Variants in EPC1 observed in about 807,000 individuals in gnomAD.
The protein encoded by EPC1 is enhancer of polycomb homolog 1.
Under a neutral mutation model 98.4 loss-of-function variants are expected in EPC1, and 12 were observed. The ratio of observed to expected loss-of-function variants is 0.12; its 90% CI spans 0.08 to 0.20. The LOEUF (loss-of-function observed/expected upper bound fraction) is 0.20. EPC1 is among the 10% of genes least tolerant of loss of function. EPC1 has a pLI of 1.00. For synonymous variants in EPC1, 357 were observed against 363.9 expected, an observed-to-expected ratio of 0.98 and a Z score of 0.21; for missense variants, 729 against 990.5, an observed-to-expected ratio of 0.74 and a Z score of 3.54.
chr10:32,308,634 C>T (rs1836014034), intron 1 of EPC1, among the ~76,000 whole-genome samples: 1 of 152,072 alleles, frequency 6.6e-6, no homozygotes, highest in Non-Finnish European at 1.5e-5. Flanking sequence ...ATCTGTTCTC[C>T]TTAATCATTA....
chr10:32,349,909 T>G (rs1336059119), upstream of EPC1, among the ~76,000 whole-genome samples: 1 of 152,210 alleles, frequency 6.6e-6, no homozygotes, highest in Non-Finnish European at 1.5e-5. Context: ...CCCATGCCTC[T>G]TTTTTATGCA....
chr10:32,284,807 G>A lies in EPC1; in HGVS notation c.1635C>T (p.Ser545=), dbSNP rs1262982755. The A allele has an allele frequency of 6.2e-7, 1 of 1,614,174 alleles. No individual in the cohort carries two copies. Among genetic ancestry groups the A allele is most frequent in the Non-Finnish European group, 8.5e-7 (1 of 1,180,018 alleles). ...SLHDSDNDEL[S]CRKLYRSINR... The stretch of plus-strand genomic sequence containing the variant: ...TTATACTCCTATATAATTTTCTACA[G>A]GAGAGTTCATCATTGTCACTGTCAT... The change falls in exon 10 of 14, where the codon TCC becomes TCT. Residue 545 remains serine (S), a synonymous_variant. Coordinates refer to ENST00000319778, the MANE Select transcript of EPC1 (RefSeq NM_001272004.3).
At chr10:32,378,464 C>T in intron 1 of EPC1, 1 of 1,540,352 alleles carries the variant, frequency 6.5e-7, no homozygotes. Flanking sequence ...CAAAGACTGA[C>T]ATAAATGGTG....
At chr10:32,316,426 C>T (rs1048173200) in intron 1 of EPC1, among the ~76,000 whole-genome samples, 3 of 152,108 alleles carry the variant, frequency 2.0e-5, no homozygotes, top group Admixed American at 6.5e-5. Flanking sequence ...CTCAAATGTC[C>T]ACCAAAATAG....
At chr10:32,321,726 C>T (rs1836934154) in intron 1 of EPC1, among the ~76,000 whole-genome samples, 1 of 151,770 alleles carries the variant, frequency 6.6e-6, no homozygotes, top group Admixed American at 6.6e-5. Context: ...GTCACTTGTC[C>T]GAAGTGGCGG....
At chr10:32,352,211 A>T (rs193277022) in intron 1 of EPC1, among the ~76,000 whole-genome samples, 1,961 of 147,812 alleles carry the variant, frequency 0.013, 47 homozygotes, top group African/African-American at 0.047. Context: ...CGCCCGGCTA[A>T]TTTTTTTTTT....
chr10:32,317,144 G>A (rs1479171703), intron 1 of EPC1, among the ~76,000 whole-genome samples: 10 of 152,110 alleles, frequency 6.6e-5, no homozygotes, highest in African/African-American at 2.4e-4. Flanking sequence ...CCACTTGACA[G>A]TTTCTTCTCA....
intron 1 of EPC1, chr10:32,345,536 C>T: frequency 1.0e-6 from 1 of 985,502 alleles, no homozygotes; most frequent in Non-Finnish European, 1.2e-6. Flanking sequence ...ACTGTCAATA[C>T]ACTGCACCCT....
chr10:32,375,802 A>C (rs1419235179), intron 1 of EPC1, among the ~76,000 whole-genome samples: 2 of 152,056 alleles, frequency 1.3e-5, no homozygotes, highest in African/African-American at 4.8e-5. Flanking sequence ...TTTTTAAAAT[A>C]ATTTTTTATT....
At chr10:32,300,019 T>C (rs954890686) in intron 2 of EPC1, among the ~76,000 whole-genome samples, 1 of 29,300 alleles carries the variant, frequency 3.4e-5, no homozygotes, top group East Asian at 0.031. Context: ...GTTCATGCCA[T>C]CTCCTGCCTC....
intron 6 of EPC1, among the ~76,000 whole-genome samples, chr10:32,288,962 G>A (rs186224474): frequency 3.9e-4 from 60 of 152,010 alleles, no homozygotes; most frequent in Admixed American, 7.9e-4. Context: ...GGTGGCATGC[G>A]CCTGTAGTCC....
chr10:32,370,718 T>A (rs879905240), intron 1 of EPC1, among the ~76,000 whole-genome samples: 2 of 152,174 alleles, frequency 1.3e-5, no homozygotes, highest in Non-Finnish European at 2.9e-5. Context: ...ACTAGCTGGG[T>A]GTAGCTATGG....
At chr10:32,339,135 C>T (rs1838170096) in intron 1 of EPC1, among the ~76,000 whole-genome samples, 4 of 152,104 alleles carry the variant, frequency 2.6e-5, no homozygotes, top group Admixed American at 1.3e-4. Flanking sequence ...TACTTCCATG[C>T]AAATTATGTC....
chr10:32,373,737 A>G (rs982736384), intron 1 of EPC1, among the ~76,000 whole-genome samples: 9 of 152,238 alleles, frequency 5.9e-5, no homozygotes, highest in African/African-American at 1.9e-4. Context: ...CTTTGTGACT[A>G]TGAGGAAAGA....
chr10:32,307,899 A>C (rs545102902), intron 1 of EPC1, among the ~76,000 whole-genome samples: 2 of 152,286 alleles, frequency 1.3e-5, no homozygotes, highest in East Asian at 1.9e-4. Flanking sequence ...ACAACCCTTA[A>C]TCTCTTAACC....
At chr10:32,351,373 T>TCACC (rs1173299526), upstream of EPC1, among the ~76,000 whole-genome samples, 6 of 152,148 alleles carry the variant, frequency 3.9e-5, no homozygotes, top group African/African-American at 1.4e-4. Flanking sequence ...AATCAGCATG[T>TCACC]CGGCTGGGTG....
chr10:32,272,285 ATCTT>A, intron 11 of EPC1, 118 bp from the exon 12 acceptor site: 1 of 791,746 alleles, frequency 1.3e-6, no homozygotes, highest in Non-Finnish European at 1.9e-6. Flanking sequence ...AACCACTGAA[ATCTT>A]TCTATTTTGG....
intron 1 of EPC1, among the ~76,000 whole-genome samples, chr10:32,315,478 T>C (rs1226821527): frequency 1.3e-5 from 2 of 152,222 alleles, no homozygotes; most frequent in East Asian, 3.8e-4. Flanking sequence ...TTAGACCTTT[T>C]TGGTTACTGA....
chr10:32,307,390 T>G (rs551031856), intron 1 of EPC1, among the ~76,000 whole-genome samples: 52 of 152,372 alleles, frequency 3.4e-4, no homozygotes, highest in African/African-American at 1.2e-3. Flanking sequence ...TCCTCATTCC[T>G]TAAGTAACTA....
Sources: allele counts gnomAD v4.1 joint callset (sites outside exome capture counted in the v4.1 genomes callset), GRCh38; gene constraint gnomAD v4.1.1; transcripts MANE v1.5; gene names NCBI Gene and HGNC (gene_info 2026-07-23, HGNC 2026-07-21).